The following TTC39B variants were observed in gnomAD, a reference collection of about 807,000 sequenced individuals.
TTC39B encodes the protein tetratricopeptide repeat domain 39B, also known as tetratricopeptide repeat protein 39B.
A neutral mutation model predicts 96.6 loss-of-function variants in TTC39B; 92 were observed. The ratio of observed to expected loss-of-function variants is 0.95; its 90% CI spans 0.80 to 1.13. The LOEUF (loss-of-function observed/expected upper bound fraction) is 1.13, where lower values mean the gene tolerates loss of function less well. Ranked by LOEUF, TTC39B falls within the 50% of genes most tolerant of loss-of-function variation. The probability of loss-of-function intolerance (pLI) is 0.00; values close to 1 mark genes in which losing one functional copy is unlikely to be tolerated. For synonymous variants in TTC39B, 367 were observed against 299.4 expected (o/e 1.23, Z -2.33); for missense variants, 955 against 809.3 (o/e 1.18, Z -2.18).
At chr9:15,202,752 G>C (rs1194664423) in intron 7 of TTC39B, among the ~76,000 whole-genome samples, 2 of 149,824 alleles carry the variant, frequency 1.3e-5, no homozygotes, top group African/African-American at 4.9e-5. Context: ...AAAAAAGATT[G>C]TGAGTGAGGG....
At chr9:15,231,785 TA>T (rs780394367) in intron 2 of TTC39B, among the ~76,000 whole-genome samples, 15 of 152,302 alleles carry the variant, frequency 9.8e-5, no homozygotes, top group Non-Finnish European at 1.9e-4. Context: ...CAAAAATGAA[TA>T]AAAATATGTC....
intron 1 of TTC39B, among the ~76,000 whole-genome samples, chr9:15,299,140 T>G (rs941733968): frequency 6.6e-6 from 1 of 152,164 alleles, no homozygotes; most frequent in African/African-American, 2.4e-5. Context: ...GGAGCTGCAT[T>G]TGCTTGTCCA....
chr9:15,182,160 A>T (rs775569161), intron 17 of TTC39B, 147 bp downstream of exon 17: 2 of 497,372 alleles, frequency 4.0e-6, no homozygotes, highest in Admixed American at 8.0e-5. Context: ...CCTGCATTTG[A>T]CTGCAATCAC....
chr9:15,194,861 T>A (rs1221336404), intron 8 of TTC39B, among the ~76,000 whole-genome samples: 1 of 152,216 alleles, frequency 6.6e-6, no homozygotes, highest in African/African-American at 2.4e-5. Flanking sequence ...ACTGATAGGC[T>A]GTTCCTCCAT....
At chr9:15,212,434 AT>A (rs966008925) in intron 4 of TTC39B, among the ~76,000 whole-genome samples, 1 of 151,632 alleles carries the variant, frequency 6.6e-6, no homozygotes, top group African/African-American at 2.4e-5. Flanking sequence ...TATTTATTTA[AT>A]TTTTTTTGAG....
At chr9:15,289,711 T>C (rs1240686383) in intron 1 of TTC39B, among the ~76,000 whole-genome samples, 1 of 152,192 alleles carries the variant, frequency 6.6e-6, no homozygotes, top group Admixed American at 6.5e-5. Flanking sequence ...AGACTTTGGA[T>C]CCAGTGATAT....
At position 15,233,628 on chromosome 9, in the gene TTC39B, G is replaced by A. The variant is rs1821570106; in HGVS notation, c.276-7616C>T. ...CAGCCTCGGCCTCCCGAGGTGCCGG[G>A]ATTGCAGACGGAGTCTCGTTCGCTC... On this transcript the variant is annotated intron_variant, in intron 2 of 19. Transcript: ENST00000512701. Among the ~76,000 whole-genome samples, 3 of 152,318 alleles carry A rather than the reference G, an allele frequency of 2.0e-5. 1 individual carries two copies. Among genetic ancestry groups the A allele is most frequent in the Middle Eastern group, 6.8e-3 (2 of 294 alleles).
chr9:15,264,133 A>C (rs1823038806), intron 2 of TTC39B, among the ~76,000 whole-genome samples: 1 of 152,196 alleles, frequency 6.6e-6, no homozygotes, highest in South Asian at 2.1e-4. Context: ...GATGAGAAAA[A>C]CTATAACAGA....
intron 2 of TTC39B, among the ~76,000 whole-genome samples, chr9:15,239,918 A>G (rs550995058): frequency 3.9e-5 from 6 of 152,350 alleles, no homozygotes; most frequent in African/African-American, 1.2e-4. Flanking sequence ...CTTTAAAAAT[A>G]AAAAATGGTA....
At chr9:15,233,296 C>A (rs573578851) in intron 2 of TTC39B, among the ~76,000 whole-genome samples, 1 of 152,132 alleles carries the variant, frequency 6.6e-6, no homozygotes. Context: ...CCGGAACACA[C>A]GGCGACAAGG....
chr9:15,184,989 T>C (rs879818252), intron 16 of TTC39B, among the ~76,000 whole-genome samples: 1 of 152,238 alleles, frequency 6.6e-6, no homozygotes, highest in African/African-American at 2.4e-5. Context: ...TCTGTCTAAA[T>C]TTCTTCACTA....
Position 15,223,658 on chromosome 9 carries a change from C to T in TTC39B, c.371+2259G>A, listed in dbSNP as rs146699707. Among the ~76,000 whole-genome samples, 470 of 152,286 alleles carry T rather than the reference C, an allele frequency of 3.1e-3. 3 individuals carry two copies. Among genetic ancestry groups the T allele is most frequent in the African/African-American group, 0.011 (455 of 41,558 alleles). ...GCTGCTTCACATTATGTTTATTCTTCAACACATGCATTAGAAGACCTATCA... is the reference window on the plus strand; with the variant it reads ...GCTGCTTCACATTATGTTTATTCTTTAACACATGCATTAGAAGACCTATCA... On this transcript the variant is annotated intron_variant, in intron 3 of 19. Coordinates refer to ENST00000512701, the Ensembl canonical transcript of TTC39B.
chr9:15,207,053 C>T (rs1230520327), intron 6 of TTC39B, among the ~76,000 whole-genome samples: 2 of 152,154 alleles, frequency 1.3e-5, no homozygotes, highest in African/African-American at 4.8e-5. Context: ...TTCCTGCCAC[C>T]TTGTGAAGAA....
chr9:15,231,092 C>T (rs1821396084), intron 2 of TTC39B, among the ~76,000 whole-genome samples: 1 of 152,000 alleles, frequency 6.6e-6, no homozygotes, highest in Non-Finnish European at 1.5e-5. Context: ...TGTGGAATTG[C>T]TACATTATGT....
chr9:15,175,070 T>C, exon 19 of TTC39B: 3 of 1,613,836 alleles, frequency 1.9e-6, no homozygotes, highest in African/African-American at 1.3e-5. Flanking sequence ...CTGGCTTTTA[T>C]ACAAAGATGC....
chr9:15,262,616 C>T (rs1822985578), intron 2 of TTC39B, among the ~76,000 whole-genome samples: 1 of 151,832 alleles, frequency 6.6e-6, no homozygotes. Context: ...ACAATCGTTA[C>T]CACAAAGATC....
At chr9:15,267,330 G>C (rs1302304180) in intron 2 of TTC39B, among the ~76,000 whole-genome samples, 2 of 152,164 alleles carry the variant, frequency 1.3e-5, no homozygotes, top group Non-Finnish European at 2.9e-5. Context: ...GATATACAAA[G>C]AACAATAAAC....
At chr9:15,260,008 ATTGT>A (rs1169967030) in intron 2 of TTC39B, among the ~76,000 whole-genome samples, 7 of 152,174 alleles carry the variant, frequency 4.6e-5, no homozygotes, top group Non-Finnish European at 1.0e-4. Context: ...TTGAAGTTAG[ATTGT>A]GGTGATGGCT....
At chr9:15,296,504 T>A (rs1186608647) in intron 1 of TTC39B, among the ~76,000 whole-genome samples, 1 of 152,216 alleles carries the variant, frequency 6.6e-6, no homozygotes, top group Non-Finnish European at 1.5e-5. Flanking sequence ...AAAAGCAATT[T>A]TTTTTTTGAG....
Sources: allele counts gnomAD v4.1 joint callset (sites outside exome capture counted in the v4.1 genomes callset), GRCh38; gene constraint gnomAD v4.1.1; transcripts MANE v1.5; gene names NCBI Gene and HGNC (gene_info 2026-07-23, HGNC 2026-07-21).